The following TGFA variants were observed in gnomAD, a reference collection of about 807,000 sequenced individuals.
TGFA encodes transforming growth factor alpha, also known as protransforming growth factor alpha.
Under a neutral mutation model 21.7 loss-of-function variants are expected in TGFA, and 12 were observed. The observed-to-expected ratio is 0.55, with a 90% CI of 0.35 to 0.90. The LOEUF is 0.90. TGFA is among the 40% of genes least tolerant of loss of function. The probability of loss-of-function intolerance (pLI) is 0.01; values close to 1 mark genes in which losing one functional copy is unlikely to be tolerated. For synonymous variants in TGFA, 79 were observed against 88.1 expected (o/e 0.90, Z 0.58); for missense variants, 178 against 210.8 (o/e 0.84, Z 0.96).
intron 1 of TGFA, among the ~76,000 whole-genome samples, chr2:70,521,201 C>G (rs137898528): frequency 2.0e-5 from 3 of 152,120 alleles, no homozygotes; most frequent in Non-Finnish European, 4.4e-5. Flanking sequence ...CAGAACCCAG[C>G]GCAGAGACAG....
chr2:70,466,116 G>A (rs1553492194), intron 2 of TGFA, among the ~76,000 whole-genome samples: 1 of 152,170 alleles, frequency 6.6e-6, no homozygotes, highest in East Asian at 1.9e-4. Context: ...GAATGGAAAG[G>A]TACAAAAGAA....
intron 2 of TGFA, among the ~76,000 whole-genome samples, chr2:70,465,952 G>T (rs1190931114): frequency 6.6e-6 from 1 of 152,110 alleles, no homozygotes; most frequent in Non-Finnish European, 1.5e-5. Flanking sequence ...TGTTTTTGTA[G>T]ACAGCAAAAC....
chr2:70,536,152 G>T (rs1380619717), intron 1 of TGFA, among the ~76,000 whole-genome samples: 1 of 152,222 alleles, frequency 6.6e-6, no homozygotes, highest in Admixed American at 6.5e-5. Context: ...GACCTTTATT[G>T]AGAGACGCAG....
chr2:70,526,382 T>A (rs1672636303), intron 1 of TGFA, among the ~76,000 whole-genome samples: 1 of 152,174 alleles, frequency 6.6e-6, no homozygotes, highest in Non-Finnish European at 1.5e-5. Context: ...GGATGATGCA[T>A]TTGACTTTCT....
intron 1 of TGFA, among the ~76,000 whole-genome samples, chr2:70,524,589 C>A (rs994699336): frequency 1.3e-5 from 2 of 152,202 alleles, no homozygotes; most frequent in Non-Finnish European, 2.9e-5. Flanking sequence ...GCAGAGAAGC[C>A]GTGCCAAGCT....
intron 2 of TGFA, among the ~76,000 whole-genome samples, chr2:70,484,939 T>C (rs1671225794): frequency 6.6e-6 from 1 of 152,222 alleles, no homozygotes; most frequent in South Asian, 2.1e-4. Context: ...CTTCTTATAA[T>C]GCTATTCCTT....
intron 2 of TGFA, among the ~76,000 whole-genome samples, chr2:70,481,303 T>C (rs1018167027): frequency 4.6e-5 from 7 of 152,200 alleles, no homozygotes; most frequent in Non-Finnish European, 7.4e-5. Context: ...AAGGTAGTAC[T>C]AAGTACTACT....
At chr2:70,525,923 G>T (rs1331291111) in intron 1 of TGFA, among the ~76,000 whole-genome samples, 4 of 152,152 alleles carry the variant, frequency 2.6e-5, no homozygotes, top group Non-Finnish European at 5.9e-5. Context: ...ACAGAACCTT[G>T]TCTTGCTTAA....
intron 3 of TGFA, chr2:70,461,781 A>T (rs987685482): frequency 6.6e-5 from 10 of 152,148 alleles, no homozygotes; most frequent in Non-Finnish European, 1.3e-4. Flanking sequence ...TCTTCCCATT[A>T]GTTTTCTGAT....
chr2:70,534,472 G>C (rs658914), intron 1 of TGFA, among the ~76,000 whole-genome samples: 1 of 152,168 alleles, frequency 6.6e-6, no homozygotes, highest in East Asian at 1.9e-4. Flanking sequence ...ACTTCCAGGC[G>C]TGTCACTCAC....
At position 70,476,760 on chromosome 2, in the gene TGFA, G is replaced by A. The variant is rs1427976948; in HGVS notation, c.95-11024C>T. On this transcript the variant is annotated intron_variant, in intron 2 of 5. Transcript: ENST00000295400. ...ACTCCTCATTTTAAGTGAGGAAACTGAAGAATACAGAGGTAAATTTAAGGC... is the reference window on the plus strand; with the variant it reads ...ACTCCTCATTTTAAGTGAGGAAACTAAAGAATACAGAGGTAAATTTAAGGC... 5.9e-5 allele frequency among the ~76,000 whole-genome samples: 9 copies of A among 152,312 alleles called. No homozygotes were observed. The East Asian group carries it at 9.6e-4, about 16-fold the overall frequency.
rs965946829 is a variant in TGFA, at chr2:70,452,836, G to A, written c.475+382C>T. On this transcript the variant is annotated intron_variant, in intron 5 of 5. Transcript: ENST00000295400. ...GGGCAGCCTGTAATCCCAGCTACTC[G>A]AGAGGCTGAGGCAGGAGAATCACTT... is the stretch of plus-strand genomic sequence containing the variant. Among the ~76,000 whole-genome samples the A allele has an allele frequency of 2.0e-5, 3 of 152,086 alleles. No individual in the cohort carries two copies. The South Asian group carries it at 6.2e-4, about 32-fold the overall frequency.
intron 2 of TGFA, among the ~76,000 whole-genome samples, chr2:70,500,153 A>C (rs1671694231): frequency 6.6e-6 from 1 of 152,212 alleles, no homozygotes; most frequent in South Asian, 2.1e-4. Flanking sequence ...AGCACTCCAC[A>C]GCTGCATGTG....
At chr2:70,500,186 T>G (rs894598252) in intron 2 of TGFA, among the ~76,000 whole-genome samples, 1 of 152,170 alleles carries the variant, frequency 6.6e-6, no homozygotes, top group African/African-American at 2.4e-5. Context: ...GACGATGCAG[T>G]TCTAGACAGA....
At chr2:70,504,469 C>CATATATATATATATATATATAT (rs1230209696) in intron 2 of TGFA, among the ~76,000 whole-genome samples, 2,873 of 80,004 alleles carry the variant, frequency 0.036, 160 homozygotes, top group Non-Finnish European at 0.057. Flanking sequence ...TATATACACA[C>CATATATATATATATATATATAT]ATACATACAT....
chr2:70,491,020 T>C (rs1450072507), intron 2 of TGFA, among the ~76,000 whole-genome samples: 3 of 152,152 alleles, frequency 2.0e-5, no homozygotes, highest in East Asian at 1.9e-4. Context: ...CGGTGGGGAA[T>C]TGATCACAGA....
intron 2 of TGFA, among the ~76,000 whole-genome samples, chr2:70,493,504 T>C (rs538674447): frequency 1.3e-5 from 2 of 152,326 alleles, no homozygotes; most frequent in African/African-American, 4.8e-5. Context: ...TTTGTTTTGG[T>C]TCTGATGGCT....
At chr2:70,527,095 T>G (rs1419891576) in intron 1 of TGFA, among the ~76,000 whole-genome samples, 1 of 152,256 alleles carries the variant, frequency 6.6e-6, no homozygotes, top group Non-Finnish European at 1.5e-5. Context: ...ATAGTGCTCC[T>G]TGGTATTTAC....
intron 2 of TGFA, among the ~76,000 whole-genome samples, chr2:70,477,147 G>A (rs893010723): frequency 5.9e-5 from 9 of 152,158 alleles, no homozygotes; most frequent in African/African-American, 1.7e-4. Context: ...TGTTATAGAA[G>A]ACTGGCCTTG....
Sources: allele counts gnomAD v4.1 joint callset (sites outside exome capture counted in the v4.1 genomes callset), GRCh38; gene constraint gnomAD v4.1.1; transcripts MANE v1.5; gene names NCBI Gene and HGNC (gene_info 2026-07-23, HGNC 2026-07-21).